Variants in ACVR1C observed in about 807,000 individuals in gnomAD.
ACVR1C encodes the protein activin receptor type-1C.
In ACVR1C, 23 loss-of-function variants were observed where a neutral mutation model predicts 57.9. That is an observed-to-expected ratio of 0.40 (90% CI 0.29 to 0.56). The LOEUF is 0.56. Ranked by LOEUF, ACVR1C falls within the 20% of genes least tolerant of loss-of-function variation. The probability of loss-of-function intolerance (pLI) is 0.50; values close to 1 mark genes in which losing one functional copy is unlikely to be tolerated. For missense variants in ACVR1C, 480 were observed against 607.9 expected (o/e 0.79, Z 2.21); for synonymous variants, 214 against 215.3 (o/e 0.99, Z 0.05).
At chr2:157,567,372 T>C (rs1328294246) in intron 2 of ACVR1C, among the ~76,000 whole-genome samples, 2 of 97,050 alleles carry the variant, frequency 2.1e-5, no homozygotes, top group Non-Finnish European at 4.3e-5. Context: ...TGGAGAATGA[T>C]TTTGACGAGC....
intron 1 of ACVR1C, among the ~76,000 whole-genome samples, chr2:157,595,417 GT>G (rs1298656677): frequency 6.6e-6 from 1 of 152,202 alleles, no homozygotes; most frequent in Non-Finnish European, 1.5e-5. Context: ...TTGCAGCCAT[GT>G]AGGGGGAAAA....
At chr2:157,556,477 G>T in intron 2 of ACVR1C, 145 bp from the exon 3 acceptor site, 1 of 1,063,246 alleles carries the variant, frequency 9.4e-7, no homozygotes, top group Non-Finnish European at 1.3e-6. Context: ...GGCTCTCTGT[G>T]GTATAAGCAA....
At chr2:157,586,229 T>C (rs934735291) in intron 2 of ACVR1C, among the ~76,000 whole-genome samples, 2 of 152,108 alleles carry the variant, frequency 1.3e-5, no homozygotes, top group African/African-American at 4.8e-5. Context: ...TGGTTTTTAA[T>C]TGGTGGTAGT....
intron 2 of ACVR1C, among the ~76,000 whole-genome samples, chr2:157,580,379 T>C (rs1688762208): frequency 6.6e-6 from 1 of 152,210 alleles, no homozygotes; most frequent in South Asian, 2.1e-4. Flanking sequence ...ATTTAAATTG[T>C]TTTATATTTC....
In ACVR1C at chr2:157,531,266, C is replaced by A. The variant is rs968978161; in HGVS notation, c.*2652G>T. 2.0e-5 allele frequency: 3 copies of A among 151,970 alleles called. No individual in the cohort carries two copies. The highest frequency in any genetic ancestry group is 4.4e-5 in the Non-Finnish European group (3 of 67,934). The allele number at this position is 151,970 out of a possible 1,614,324, so 9.4% of individuals were successfully genotyped here. On this transcript the variant is annotated 3_prime_UTR_variant, in exon 9 of 9. Transcript: ENST00000243349. Reference sequence around the variant, plus strand: ...GTTAAGAGTAAAGGAAATATTACAACTTTTAACATTTTCCTTATCATTTTT... The same window carrying A: ...GTTAAGAGTAAAGGAAATATTACAAATTTTAACATTTTCCTTATCATTTTT...
At position 157,568,098 on chromosome 2, in the gene ACVR1C, A is replaced by G. The variant is rs1353485060; in HGVS notation, c.305-11766T>C. On this transcript the variant is annotated intron_variant, in intron 2 of 8. Transcript: ENST00000243349. ...AAGAATTTTCAACCCAGAATTTCATATCCAGCCAAACTAAGCTTCATAAGT... is the reference window on the plus strand; with the variant it reads ...AAGAATTTTCAACCCAGAATTTCATGTCCAGCCAAACTAAGCTTCATAAGT... Among the ~76,000 whole-genome samples, 8 of 150,418 alleles carry G rather than the reference A, an allele frequency of 5.3e-5. No individual in the cohort carries two copies. The South Asian group carries it at 1.8e-3, about 33-fold the overall frequency.
intron 2 of ACVR1C, among the ~76,000 whole-genome samples, chr2:157,561,099 A>G (rs2105229653): frequency 6.6e-6 from 1 of 152,340 alleles, no homozygotes; most frequent in Middle Eastern, 3.4e-3. Flanking sequence ...AGAGACCTTC[A>G]TCCAAACAAA....
At chr2:157,611,354 G>C (rs1351399456) in intron 1 of ACVR1C, among the ~76,000 whole-genome samples, 1 of 152,196 alleles carries the variant, frequency 6.6e-6, no homozygotes, top group Non-Finnish European at 1.5e-5. Flanking sequence ...TGGAGGCTGT[G>C]GTGAAGTTGT....
intron 1 of ACVR1C, among the ~76,000 whole-genome samples, chr2:157,615,741 T>C (rs1275597145): frequency 6.6e-6 from 1 of 152,178 alleles, no homozygotes; most frequent in African/African-American, 2.4e-5. Context: ...AATTTTTTAC[T>C]CACTGCATTT....
chr2:157,615,386 C>T (rs1422443774), intron 1 of ACVR1C, among the ~76,000 whole-genome samples: 1 of 151,544 alleles, frequency 6.6e-6, no homozygotes, highest in South Asian at 2.1e-4. Flanking sequence ...TGGGTTTTGC[C>T]TGTTTTGAGA....
At chr2:157,619,600 C>T (rs770891427) in intron 1 of ACVR1C, among the ~76,000 whole-genome samples, 2 of 151,900 alleles carry the variant, frequency 1.3e-5, no homozygotes, top group Non-Finnish European at 2.9e-5. Flanking sequence ...GTGGATGCAA[C>T]AGTAACTATT....
chr2:157,623,761 T>A (rs922967760), intron 1 of ACVR1C, among the ~76,000 whole-genome samples: 5 of 152,146 alleles, frequency 3.3e-5, no homozygotes, highest in African/African-American at 1.2e-4. Context: ...TGTTTGTAAC[T>A]CAAAGGATAA....
At chr2:157,596,869 A>T (rs1197075562) in intron 1 of ACVR1C, among the ~76,000 whole-genome samples, 1 of 152,070 alleles carries the variant, frequency 6.6e-6, no homozygotes, top group Admixed American at 6.5e-5. Flanking sequence ...AAAGACATGC[A>T]CTAAAGGAAC....
chr2:157,553,154 T>C (rs1302361514), intron 3 of ACVR1C, among the ~76,000 whole-genome samples: 2 of 152,144 alleles, frequency 1.3e-5, no homozygotes, highest in Non-Finnish European at 2.9e-5. Context: ...ACTGGCCAAT[T>C]AAGAAAAGCA....
intron 2 of ACVR1C, among the ~76,000 whole-genome samples, chr2:157,573,877 T>C (rs1365928239): frequency 6.6e-6 from 1 of 152,068 alleles, no homozygotes; most frequent in Non-Finnish European, 1.5e-5. Context: ...TTGTCTAATA[T>C]TAAGGAAGTA....
intron 7 of ACVR1C, among the ~76,000 whole-genome samples, chr2:157,539,495 T>C (rs1687569448): frequency 6.6e-6 from 1 of 152,210 alleles, no homozygotes; most frequent in Admixed American, 6.5e-5. Context: ...ACAATTCACG[T>C]CTGCTAAATT....
intron 2 of ACVR1C, among the ~76,000 whole-genome samples, chr2:157,566,559 G>T (rs1260903661): frequency 6.6e-6 from 1 of 152,164 alleles, no homozygotes; most frequent in Non-Finnish European, 1.5e-5. Context: ...GAAGCACAAG[G>T]GGTCAGGGAG....
At chr2:157,566,559 G>A (rs1260903661) in intron 2 of ACVR1C, among the ~76,000 whole-genome samples, 3 of 152,164 alleles carry the variant, frequency 2.0e-5, no homozygotes, top group Non-Finnish European at 2.9e-5. Flanking sequence ...GAAGCACAAG[G>A]GGTCAGGGAG....
At chr2:157,550,067 T>G in intron 4 of ACVR1C, 95 bp downstream of exon 4, 4 of 1,053,050 alleles carry the variant, frequency 3.8e-6, no homozygotes, top group Non-Finnish European at 2.7e-6. Flanking sequence ...AATTTATTTT[T>G]TCTTATCTGA....
Sources: gnomAD v4.1 joint callset for allele counts (sites outside exome capture counted in the v4.1 genomes callset) on GRCh38, gnomAD v4.1.1 for gene constraint, MANE v1.5 for transcripts, NCBI Gene and HGNC (gene_info 2026-07-23, HGNC 2026-07-21) for gene names.